Variants in CA10 observed in about 807,000 individuals in gnomAD.
The protein encoded by CA10 is carbonic anhydrase-related protein 10.
In CA10, 14 loss-of-function variants were observed where a neutral mutation model predicts 44.2. The ratio of observed to expected loss-of-function variants is 0.32; its 90% CI spans 0.21 to 0.50. CA10 has a LOEUF of 0.50. Among genes scored for constraint, CA10 ranks in the 20% least tolerant of loss-of-function variants. The pLI is 0.99. For missense variants in CA10, 350 were observed against 409.7 expected, an observed-to-expected ratio of 0.85 and a Z score of 1.26; for synonymous variants, 159 against 141.6, an observed-to-expected ratio of 1.12 and a Z score of -0.87.
intron 1 of CA10, among the ~76,000 whole-genome samples, chr17:52,073,161 T>C (rs1987730215): frequency 6.6e-6 from 1 of 152,194 alleles, no homozygotes; most frequent in Non-Finnish European, 1.5e-5. Context: ...AGAAAATAAG[T>C]GAATCAATCA....
chr17:51,937,460 T>C (rs1982910286), intron 2 of CA10, among the ~76,000 whole-genome samples: 2 of 152,204 alleles, frequency 1.3e-5, no homozygotes, highest in African/African-American at 2.4e-5. Flanking sequence ...TCTTCCTCCA[T>C]TGCAGGGCCT....
chr17:51,771,101 C>T (rs549409368), intron 3 of CA10, among the ~76,000 whole-genome samples: 79 of 118,822 alleles, frequency 6.6e-4, no homozygotes, highest in Non-Finnish European at 1.1e-3. Context: ...TCCAGTCTGG[C>T]GACAGAGTAA....
chr17:51,900,181 A>G (rs776322800), intron 3 of CA10, among the ~76,000 whole-genome samples: 2 of 152,072 alleles, frequency 1.3e-5, no homozygotes, highest in Non-Finnish European at 2.9e-5. Flanking sequence ...TTTCCTTTCC[A>G]TATTTAGCAT....
chr17:51,724,474 AAG>A (rs1406098680), intron 4 of CA10, among the ~76,000 whole-genome samples: 1 of 152,216 alleles, frequency 6.6e-6, no homozygotes, highest in African/African-American at 2.4e-5. Flanking sequence ...GATGAGGTAA[AAG>A]AGGCCCAACC....
At chr17:51,825,529 G>A (rs1328364497) in intron 3 of CA10, among the ~76,000 whole-genome samples, 1 of 152,222 alleles carries the variant, frequency 6.6e-6, no homozygotes. Flanking sequence ...AGGTCACACA[G>A]CTAGTGAGCA....
chr17:51,827,355 T>C (rs753276349), intron 3 of CA10, among the ~76,000 whole-genome samples: 151 of 140,138 alleles, frequency 1.1e-3, no homozygotes, highest in Middle Eastern at 3.7e-3. Flanking sequence ...CACACACACA[T>C]ACACACACAC....
At chr17:52,033,751 A>T (rs1466432983) in intron 2 of CA10, among the ~76,000 whole-genome samples, 1 of 152,232 alleles carries the variant, frequency 6.6e-6, no homozygotes, top group African/African-American at 2.4e-5. Context: ...AAAGGCTTGC[A>T]TGGCTACTGT....
chr17:52,030,459 G>A (rs1986432264), intron 2 of CA10, among the ~76,000 whole-genome samples: 1 of 152,168 alleles, frequency 6.6e-6, no homozygotes, highest in South Asian at 2.1e-4. Flanking sequence ...GGGAATTGAA[G>A]AATCCCACAT....
chr17:52,072,225 G>C (rs1987698062), intron 2 of CA10, 94 bp downstream of exon 2: 11 of 841,624 alleles, frequency 1.3e-5, no homozygotes, highest in Non-Finnish European at 1.9e-5. Flanking sequence ...AAATTAGACT[G>C]CCTCACCTTT....
intron 1 of CA10, among the ~76,000 whole-genome samples, chr17:52,088,990 T>C (rs1232032176): frequency 1.3e-5 from 2 of 152,190 alleles, no homozygotes; most frequent in Admixed American, 6.5e-5. Context: ...TTATGCTTTG[T>C]TTAGAAAGTA....
intron 3 of CA10, among the ~76,000 whole-genome samples, chr17:51,812,486 T>C (rs1907410248): frequency 6.6e-6 from 1 of 152,212 alleles, no homozygotes; most frequent in Admixed American, 6.5e-5. Flanking sequence ...GCTTCTGCTG[T>C]GCTTTCTCCA....
At chr17:51,929,105 T>C (rs1256913736) in intron 3 of CA10, among the ~76,000 whole-genome samples, 1 of 152,112 alleles carries the variant, frequency 6.6e-6, no homozygotes, top group Non-Finnish European at 1.5e-5. Context: ...AATCATCTGT[T>C]CAAAAAATAT....
intron 4 of CA10, among the ~76,000 whole-genome samples, chr17:51,696,290 C>T (rs563820486): frequency 6.6e-6 from 1 of 152,156 alleles, no homozygotes; most frequent in Admixed American, 6.5e-5. Context: ...GTGAATCCAC[C>T]TGATTTGGCC....
chr17:51,987,344 A>G (rs203061), intron 2 of CA10, among the ~76,000 whole-genome samples: 127,330 of 151,842 alleles, frequency 0.84, 53,566 homozygotes, highest in East Asian at 0.95. Context: ...CAAAGGCATA[A>G]GAATGACTCA....
intron 3 of CA10, among the ~76,000 whole-genome samples, chr17:51,849,241 A>ACATATATGTGTG: frequency 8.0e-6 from 1 of 125,000 alleles, no homozygotes; most frequent in African/African-American, 3.1e-5. Flanking sequence ...GTGTATATAT[A>ACATATATGTGTG]TATATATATA....
intron 4 of CA10, among the ~76,000 whole-genome samples, chr17:51,714,602 A>C (rs1438938320): frequency 1.3e-5 from 2 of 152,316 alleles, no homozygotes; most frequent in East Asian, 3.9e-4. Flanking sequence ...ACTGGTTTCA[A>C]ACATGGGAGA....
intron 2 of CA10, among the ~76,000 whole-genome samples, chr17:52,050,469 T>C (rs1987032725): frequency 2.6e-5 from 4 of 152,078 alleles, no homozygotes; most frequent in Admixed American, 2.6e-4. Context: ...AACAGATTGG[T>C]AAACAATGTA....
intron 1 of CA10, among the ~76,000 whole-genome samples, chr17:52,155,613 C>G (rs1354060398): frequency 3.9e-5 from 6 of 152,102 alleles, no homozygotes; most frequent in African/African-American, 1.4e-4. Context: ...GAAGAAATGG[C>G]CTTTTAAAGT....
At position 51,744,314 on chromosome 17, in the gene CA10, C is replaced by CAA. The variant is rs35791301; in HGVS notation, c.465+3317_465+3318dup. Among the ~76,000 whole-genome samples, 645 of 113,078 alleles carry CAA rather than the reference C, an allele frequency of 5.7e-3. 5 individuals carry two copies. The highest frequency in any genetic ancestry group is 0.02 in the African/African-American group (618 of 31,060). 74.2% of individuals were successfully genotyped at this position (113,078 alleles called of 152,430 possible). ...TGGGTGACACAGCGAGACTCCATCT[C>CAA]AAAAAAAAAAAAAAAATTATGGATT... On this transcript the variant is annotated intron_variant, in intron 4 of 8. Coordinates refer to ENST00000451037, the MANE Select transcript of CA10 (RefSeq NM_020178.5).
Sources: gnomAD v4.1 joint callset for allele counts (sites outside exome capture counted in the v4.1 genomes callset) on GRCh38, gnomAD v4.1.1 for gene constraint, MANE v1.5 for transcripts, NCBI Gene and HGNC (gene_info 2026-07-23, HGNC 2026-07-21) for gene names.